MLLT3: variants seen among roughly 807,000 people sequenced by gnomAD.
The protein encoded by MLLT3 is MLLT3 super elongation complex subunit.
MLLT3 carries 4 observed loss-of-function variants against 53.2 expected under a neutral mutation model. That is an observed-to-expected ratio of 0.08 (90% CI 0.04 to 0.17). The LOEUF (loss-of-function observed/expected upper bound fraction) is 0.17, where lower values mean the gene tolerates loss of function less well. MLLT3 is among the 10% of genes least tolerant of loss of function. MLLT3 has a pLI of 1.00. For synonymous variants in MLLT3, 283 were observed against 230.6 expected, an observed-to-expected ratio of 1.23 and a Z score of -2.06; for missense variants, 569 against 684.0, an observed-to-expected ratio of 0.83 and a Z score of 1.87.
At chr9:20,402,263 G>A (rs2118747744) in intron 5 of MLLT3, among the ~76,000 whole-genome samples, 1 of 152,338 alleles carries the variant, frequency 6.6e-6, no homozygotes, top group South Asian at 2.1e-4. Flanking sequence ...TTTAAGAACA[G>A]TTTCAAGAGC....
intron 2 of MLLT3, among the ~76,000 whole-genome samples, chr9:20,472,008 C>T (rs774693214): frequency 1.3e-5 from 2 of 152,004 alleles, no homozygotes; most frequent in Non-Finnish European, 2.9e-5. Context: ...AAATAAATGA[C>T]ATAAATTTGG....
intron 7 of MLLT3, 68 bp downstream of exon 7, chr9:20,363,408 A>G (rs1821372853): frequency 6.3e-7 from 1 of 1,575,626 alleles, no homozygotes; most frequent in Non-Finnish European, 8.6e-7. Context: ...TGCTGTGATT[A>G]TCCCAGCAGG....
chr9:20,570,507 T>G (rs1337923367), intron 2 of MLLT3, among the ~76,000 whole-genome samples: 2 of 152,212 alleles, frequency 1.3e-5, no homozygotes, highest in Non-Finnish European at 2.9e-5. Flanking sequence ...TTAAGCTACT[T>G]ACATCAAACT....
intron 4 of MLLT3, among the ~76,000 whole-genome samples, chr9:20,424,524 T>C (rs1015096338): frequency 1.3e-5 from 2 of 152,168 alleles, no homozygotes; most frequent in African/African-American, 4.8e-5. Context: ...GAGAGGTCAC[T>C]GTTTTAAGAA....
At chr9:20,487,143 C>T (rs747768856) in intron 2 of MLLT3, among the ~76,000 whole-genome samples, 4 of 152,066 alleles carry the variant, frequency 2.6e-5, no homozygotes, top group Non-Finnish European at 4.4e-5. Flanking sequence ...TAAAAAGGTC[C>T]TAAAGCTGCC....
intron 2 of MLLT3, among the ~76,000 whole-genome samples, chr9:20,571,184 A>G (rs1819523539): frequency 1.3e-5 from 2 of 152,248 alleles, no homozygotes; most frequent in Admixed American, 6.5e-5. Context: ...AGGTGAGCTT[A>G]TAACTTCCAA....
In MLLT3 at chr9:20,345,966, G is replaced by A. The variant is rs571444802; in HGVS notation, c.*477C>T. 3.4e-5 allele frequency: 8 copies of A among 232,562 alleles called. No homozygotes were observed. The highest frequency in any genetic ancestry group is 1.3e-3 in the Middle Eastern group (1 of 776). 14.4% of individuals were successfully genotyped at this position (232,562 alleles called of 1,614,324 possible). ...GGTGCTGCATTGAAAGAGCATCCAC[G>A]GGACCAAGTACTTATAATGTCTGAT... On this transcript the variant is annotated 3_prime_UTR_variant, in exon 11 of 11. Transcript: ENST00000380338.
intron 7 of MLLT3, among the ~76,000 whole-genome samples, chr9:20,361,848 T>C (rs1036403576): frequency 6.6e-6 from 1 of 152,160 alleles, no homozygotes; most frequent in Non-Finnish European, 1.5e-5. Flanking sequence ...ACAGAAACTG[T>C]TTTAGAAATC....
chr9:20,391,725 T>G (rs139053852), intron 5 of MLLT3, among the ~76,000 whole-genome samples: 174 of 152,332 alleles, frequency 1.1e-3, no homozygotes, highest in African/African-American at 3.8e-3. Flanking sequence ...ATGTTTTTCC[T>G]AAAACAAGAC....
At chr9:20,372,978 T>G (rs1821653394) in intron 5 of MLLT3, among the ~76,000 whole-genome samples, 1 of 152,230 alleles carries the variant, frequency 6.6e-6, no homozygotes, top group African/African-American at 2.4e-5. Context: ...TTTATTGTGC[T>G]ATTTGCTTTA....
intron 4 of MLLT3, among the ~76,000 whole-genome samples, chr9:20,445,464 T>C (rs956070533): frequency 3.9e-5 from 6 of 152,170 alleles, no homozygotes; most frequent in South Asian, 4.1e-4. Flanking sequence ...AAAGTTGTTA[T>C]AGGCTTATAG....
chr9:20,548,311 T>A (rs951456878), intron 2 of MLLT3, among the ~76,000 whole-genome samples: 1 of 152,212 alleles, frequency 6.6e-6, no homozygotes, highest in Non-Finnish European at 1.5e-5. Context: ...CTTCTCCAGT[T>A]CTCTGACATT....
intron 2 of MLLT3, among the ~76,000 whole-genome samples, chr9:20,555,068 C>G (rs957446143): frequency 6.6e-6 from 1 of 152,118 alleles, no homozygotes; most frequent in Admixed American, 6.5e-5. Context: ...AGAAGTGTTT[C>G]GTGAAGCTAA....
At chr9:20,423,345 T>A (rs1057348172) in intron 4 of MLLT3, among the ~76,000 whole-genome samples, 17 of 152,114 alleles carry the variant, frequency 1.1e-4, no homozygotes, top group African/African-American at 4.1e-4. Context: ...AAGAACATCA[T>A]CAAAAATATG....
At chr9:20,356,350 C>G (rs993912030) in intron 8 of MLLT3, among the ~76,000 whole-genome samples, 2 of 152,034 alleles carry the variant, frequency 1.3e-5, no homozygotes, top group African/African-American at 4.8e-5. Context: ...TTAACAGAGG[C>G]AAGGCAATCG....
At chr9:20,531,249 C>T (rs541884319) in intron 2 of MLLT3, among the ~76,000 whole-genome samples, 2 of 151,998 alleles carry the variant, frequency 1.3e-5, no homozygotes, top group East Asian at 3.9e-4. Context: ...GATTCTCCTG[C>T]CTCAGCCTCT....
At chr9:20,406,814 C>T (rs1398632486) in intron 5 of MLLT3, among the ~76,000 whole-genome samples, 1 of 152,216 alleles carries the variant, frequency 6.6e-6, no homozygotes, top group African/African-American at 2.4e-5. Flanking sequence ...TGTCTTCAAA[C>T]ATTTTAGTAA....
chr9:20,546,536 C>A (rs943611808), intron 2 of MLLT3, among the ~76,000 whole-genome samples: 6 of 128,538 alleles, frequency 4.7e-5, no homozygotes, highest in Admixed American at 1.7e-4. Context: ...AGAGCAAGAA[C>A]CTATCACTTA....
chr9:20,539,227 T>C lies in MLLT3; in HGVS notation c.193+81427A>G, dbSNP rs572493595. On this transcript the variant is annotated intron_variant, in intron 2 of 10. Transcript: ENST00000380338. ...ATAGCATTTTACCCACAGTTGAACT[T>C]CCTCCAAATTGGAGTCAATCGTCTC... 4.6e-5 allele frequency among the ~76,000 whole-genome samples: 7 copies of C among 152,346 alleles called. No individual in the cohort carries two copies. The East Asian group carries it at 1.3e-3, about 29-fold the overall frequency.
Sources: allele counts gnomAD v4.1 joint callset (sites outside exome capture counted in the v4.1 genomes callset), GRCh38; gene constraint gnomAD v4.1.1; transcripts MANE v1.5; gene names NCBI Gene and HGNC (gene_info 2026-07-23, HGNC 2026-07-21).